The following AIM2 variants were observed in gnomAD, a reference collection of about 807,000 sequenced individuals.
The protein encoded by AIM2 is interferon-inducible protein AIM2.
AIM2 carries 30 observed loss-of-function variants against 27.7 expected under a neutral mutation model. That is an observed-to-expected ratio of 1.08 (90% CI 0.81 to 1.47). The LOEUF (loss-of-function observed/expected upper bound fraction) is 1.47. Ranked by LOEUF, AIM2 falls within the 40% of genes most tolerant of loss-of-function variation. The pLI is 0.00. For synonymous variants in AIM2, 141 were observed against 145.3 expected, an observed-to-expected ratio of 0.97 and a Z score of 0.21; for missense variants, 358 against 411.3, an observed-to-expected ratio of 0.87 and a Z score of 1.12.
intron 1 of AIM2, among the ~76,000 whole-genome samples, chr1:159,128,021 C>T (rs1406913311): frequency 6.6e-6 from 1 of 152,176 alleles, no homozygotes; most frequent in African/African-American, 2.4e-5. Context: ...ACTGCAACAA[C>T]TTTGTTTACT....
intron 1 of AIM2, among the ~76,000 whole-genome samples, chr1:159,131,692 TAGAA>T (rs1647890062): frequency 2.0e-5 from 3 of 152,170 alleles, no homozygotes; most frequent in Admixed American, 2.0e-4. Flanking sequence ...TAACTTGGGA[TAGAA>T]AGTGGGCGGA....
chr1:159,062,390 T>C, downstream of AIM2: 1 of 405,978 alleles, frequency 2.5e-6, no homozygotes, highest in South Asian at 3.2e-5. Context: ...TATAGTTTAC[T>C]TTTAAATTTG....
rs1647957305 is a variant in AIM2, at chr1:159,133,842, C to G, written c.-16+6589G>C. 2.0e-5 allele frequency among the ~76,000 whole-genome samples: 3 copies of G among 152,162 alleles called. No individual in the cohort carries two copies. In the South Asian group the frequency reaches 6.2e-4, roughly 31 times the overall value. ...AGGCCCTTTCTCTTCTCACCCTGTA[C>G]TTTTTCCTATGTGATCTTATTCATA... On this transcript the variant is annotated intron_variant, in intron 1 of 2. Transcript: ENST00000368129.
chr1:159,056,738 A>AAC, the AIM2 span, among the ~76,000 whole-genome samples: 136 of 144,864 alleles, frequency 9.4e-4, no homozygotes, highest in African/African-American at 3.2e-3. Context: ...AAAAAAAAAA[A>AAC]AAAAAAAAAA....
chr1:159,089,651 G>T (rs758962574), intron 1 of AIM2, among the ~76,000 whole-genome samples: 13 of 152,058 alleles, frequency 8.5e-5, no homozygotes, highest in South Asian at 2.1e-4. Context: ...ACAAACACAG[G>T]ATCACTCTGC....
At chr1:159,109,436 G>C (rs546320759) in intron 1 of AIM2, among the ~76,000 whole-genome samples, 10 of 152,248 alleles carry the variant, frequency 6.6e-5, no homozygotes, top group African/African-American at 2.4e-4. Flanking sequence ...TGAAATCTAA[G>C]ACCTGAAACT....
At chr1:159,121,888 C>T (rs1647543463) in intron 1 of AIM2, among the ~76,000 whole-genome samples, 1 of 152,102 alleles carries the variant, frequency 6.6e-6, no homozygotes, top group Admixed American at 6.5e-5. Context: ...AACATCTGTC[C>T]TTGATTTCTA....
At chr1:159,141,665 G>A (rs1277521770), upstream of AIM2, among the ~76,000 whole-genome samples, 1 of 152,138 alleles carries the variant, frequency 6.6e-6, no homozygotes, top group Non-Finnish European at 1.5e-5. Flanking sequence ...CAGCGCGCTC[G>A]TCCATTGCGC....
At chr1:159,061,388 G>T (rs1655828703), downstream of AIM2, among the ~76,000 whole-genome samples, 1 of 151,528 alleles carries the variant, frequency 6.6e-6, no homozygotes, top group Non-Finnish European at 1.5e-5. Context: ...ATAAATTCTG[G>T]ATACAGGATC....
At chr1:159,090,123 G>A (rs935626950) in intron 1 of AIM2, among the ~76,000 whole-genome samples, 3 of 152,184 alleles carry the variant, frequency 2.0e-5, no homozygotes, top group South Asian at 4.1e-4. Context: ...TTCCCAGGGG[G>A]ATTGGCTGCA....
rs116796159 is a variant in AIM2 at position 159,134,384 on chromosome 1, T to C, written c.-16+6047A>G. Among the ~76,000 whole-genome samples, 1,371 of 152,364 alleles carry C rather than the reference T, an allele frequency of 9.0e-3. 26 individuals carry two copies. The highest frequency in any genetic ancestry group is 0.031 in the African/African-American group (1,303 of 41,582). On this transcript the variant is annotated intron_variant, in intron 1 of 2. Transcript: ENST00000368129. ...ATGCAAATCCAATCATGTTATTCTT[T>C]GGCTTAAAATCTTTCAGTGGTTTTC...
intron 1 of AIM2, among the ~76,000 whole-genome samples, chr1:159,112,315 A>G (rs1657592544): frequency 6.6e-6 from 1 of 152,216 alleles, no homozygotes. Flanking sequence ...AGACTTCAAG[A>G]CAAATAGCTT....
chr1:159,116,641 C>T (rs2102034989), intron 1 of AIM2, among the ~76,000 whole-genome samples: 1 of 151,916 alleles, frequency 6.6e-6, no homozygotes, highest in Non-Finnish European at 1.5e-5. Context: ...AATGAGAACA[C>T]GTGGACACAG....
chr1:159,058,453 G>A (rs139878585), downstream of AIM2, among the ~76,000 whole-genome samples: 200 of 152,066 alleles, frequency 1.3e-3, no homozygotes, highest in African/African-American at 4.6e-3. Flanking sequence ...TGTACCTGGG[G>A]CACCTTGGGA....
At chr1:159,137,385 G>T (rs969856494) in intron 1 of AIM2, among the ~76,000 whole-genome samples, 2 of 152,136 alleles carry the variant, frequency 1.3e-5, no homozygotes, top group Admixed American at 1.3e-4. Context: ...GGCTGGGCGT[G>T]GTGGCTCACA....
chr1:159,086,120 T>A (rs1291012317), intron 1 of AIM2, among the ~76,000 whole-genome samples: 1 of 152,176 alleles, frequency 6.6e-6, no homozygotes, highest in African/African-American at 2.4e-5. Context: ...CTAGGAAACA[T>A]CCAACAGATA....
At chr1:159,102,622 C>A (rs1432397499) in intron 1 of AIM2, among the ~76,000 whole-genome samples, 1 of 152,240 alleles carries the variant, frequency 6.6e-6, no homozygotes, top group Non-Finnish European at 1.5e-5. Flanking sequence ...CATGGGAGCA[C>A]ACCTCTTGCA....
chr1:159,115,518 G>A (rs888150397), intron 1 of AIM2, among the ~76,000 whole-genome samples: 2 of 152,076 alleles, frequency 1.3e-5, no homozygotes, highest in Non-Finnish European at 2.9e-5. Flanking sequence ...ACAGCCCTCA[G>A]GAATAATGCC....
upstream of AIM2, among the ~76,000 whole-genome samples, chr1:159,142,166 A>G (rs983467441): frequency 3.3e-5 from 5 of 152,114 alleles, no homozygotes; most frequent in African/African-American, 1.2e-4. Context: ...GAGACAAAGG[A>G]GCTGCTTCCG....
Sources: gnomAD v4.1 joint callset for allele counts (sites outside exome capture counted in the v4.1 genomes callset) on GRCh38, gnomAD v4.1.1 for gene constraint, MANE v1.5 for transcripts, NCBI Gene and HGNC (gene_info 2026-07-23, HGNC 2026-07-21) for gene names.